The following NCKAP5L variants were observed in gnomAD, a reference collection of about 807,000 sequenced individuals.
The protein encoded by NCKAP5L is nck-associated protein 5-like.
Under a neutral mutation model 103.2 loss-of-function variants are expected in NCKAP5L, and 54 were observed. The observed-to-expected ratio is 0.52, with a 90% CI of 0.42 to 0.66. NCKAP5L has a LOEUF of 0.66. Among genes scored for constraint, NCKAP5L ranks in the 30% least tolerant of loss-of-function variants. NCKAP5L has a pLI of 0.00. For missense variants in NCKAP5L, 1,733 were observed against 1,750.6 expected, an observed-to-expected ratio of 0.99 and a Z score of 0.18; for synonymous variants, 762 against 748.6, an observed-to-expected ratio of 1.02 and a Z score of -0.29.
chr12:49,813,488 T>G (rs75942074), intron 1 of NCKAP5L, among the ~76,000 whole-genome samples: 2,141 of 152,214 alleles, frequency 0.014, 49 homozygotes, highest in African/African-American at 0.049. Flanking sequence ...AAATTGGGGA[T>G]TGTGTCTTTT....
In NCKAP5L at chr12:49,791,802, C is replaced by T. The variant is rs1272116512; in HGVS notation, c.*37G>A. 6.6e-7 allele frequency: 1 copy of T among 1,507,722 alleles called. No individual in the cohort carries two copies. The highest frequency in any genetic ancestry group is 2.1e-5 in the Admixed American group (1 of 48,156). 93.4% of individuals were successfully genotyped at this position (1,507,722 alleles called of 1,614,324 possible). On this transcript the variant is annotated 3_prime_UTR_variant, in exon 13 of 13. Coordinates refer to ENST00000335999, the MANE Select transcript of NCKAP5L (RefSeq NM_001037806.4). ...GAAGAGAGCCGGTCCAGTCTGTGGT[C>T]CCCAGCTCCAGCGGGGCCGTGGCGT...
chr12:49,807,859 T>C (rs892902844), intron 1 of NCKAP5L, among the ~76,000 whole-genome samples: 2 of 152,028 alleles, frequency 1.3e-5, no homozygotes, highest in African/African-American at 2.4e-5. Context: ...GGCTGAGGTA[T>C]GCTGTGGAGG....
intron 1 of NCKAP5L, among the ~76,000 whole-genome samples, chr12:49,824,150 T>C (rs1330185051): frequency 2.0e-5 from 3 of 152,118 alleles, no homozygotes; most frequent in Non-Finnish European, 4.4e-5. Context: ...GCCTGGTGAG[T>C]AGCCTTAGCT....
In NCKAP5L at chr12:49,801,866, C is replaced by T. The variant is rs188112608; in HGVS notation, c.333G>A (p.Thr111=). ...SALFQQKLQL[T]TGSLPQIPLT... Reference sequence around the variant, plus strand: ...TGCCTACCTGAGGGAGCGAGCCTGTCGTGAGCTGGAGTTTCTGCTGAAACA... The same window carrying T: ...TGCCTACCTGAGGGAGCGAGCCTGTTGTGAGCTGGAGTTTCTGCTGAAACA... The change falls in exon 6 of 13, where the codon ACG becomes ACA. Residue 111 remains threonine, a synonymous_variant. Coordinates refer to ENST00000335999, the MANE Select transcript of NCKAP5L (RefSeq NM_001037806.4). 9.7e-5 allele frequency: 156 copies of T among 1,613,948 alleles called. No homozygotes were observed. The African/African-American group carries it at 1.2e-3, about 12-fold the overall frequency.
At chr12:49,813,794 C>T (rs562431756) in intron 1 of NCKAP5L, among the ~76,000 whole-genome samples, 16 of 152,256 alleles carry the variant, frequency 1.1e-4, no homozygotes, top group African/African-American at 3.9e-4. Flanking sequence ...TTCCAAAGTG[C>T]TGGGATTACA....
Position 49,797,406 on chromosome 12 carries a change from G to A in NCKAP5L, c.466-12C>T. On this transcript the variant is annotated splice_polypyrimidine_tract_variant and intron_variant, in intron 7 of 12. Transcript: ENST00000335999. The surrounding 1 kb of genome is among the most constrained non-coding windows in gnomAD (Gnocchi z 4.5). ...TGCTCCCAACATACCTTAGGGGAGAGATGATGGCATGAGGAGGAGACCACA... is the reference window on the plus strand; with the variant it reads ...TGCTCCCAACATACCTTAGGGGAGAAATGATGGCATGAGGAGGAGACCACA... 1 of 1,579,764 alleles carries A rather than the reference G, an allele frequency of 6.3e-7. No individual in the cohort carries two copies. The highest frequency in any genetic ancestry group is 8.6e-7 in the Non-Finnish European group (1 of 1,160,254).
At position 49,791,788 on chromosome 12, in the gene NCKAP5L, G is replaced by A; in HGVS notation, c.*51C>T. Reference sequence around the variant, plus strand: ...CGGGGGCTGGGCATGAAGAGAGCCGGTCCAGTCTGTGGTCCCCAGCTCCAG... The same window carrying A: ...CGGGGGCTGGGCATGAAGAGAGCCGATCCAGTCTGTGGTCCCCAGCTCCAG... On this transcript the variant is annotated 3_prime_UTR_variant, in exon 13 of 13. Coordinates refer to ENST00000335999, the MANE Select transcript of NCKAP5L (RefSeq NM_001037806.4). The A allele has an allele frequency of 4.1e-6, 6 of 1,458,300 alleles. No homozygotes were observed. The highest frequency in any genetic ancestry group is 2.8e-5 in the African/African-American group (2 of 71,016). 90.3% of individuals were successfully genotyped at this position (1,458,300 alleles called of 1,614,324 possible).
chr12:49,806,644 C>T (rs1194133990), intron 1 of NCKAP5L, among the ~76,000 whole-genome samples: 1 of 152,214 alleles, frequency 6.6e-6, no homozygotes, highest in African/African-American at 2.4e-5. Flanking sequence ...CACATGACTA[C>T]TTCACAAAGC....
chr12:49,802,933 TC>T (rs1946136116), intron 5 of NCKAP5L, 24 bp downstream of exon 5: 2 of 1,610,126 alleles, frequency 1.2e-6, no homozygotes. Context: ...CCAGGGCTTC[TC>T]CCCAGGGTGT....
intron 1 of NCKAP5L, among the ~76,000 whole-genome samples, chr12:49,821,588 G>A (rs576630489): frequency 1.4e-4 from 22 of 152,346 alleles, no homozygotes; most frequent in South Asian, 8.3e-4. Context: ...GCCTCGGCAC[G>A]GGCCACCCCC....
intron 1 of NCKAP5L, among the ~76,000 whole-genome samples, chr12:49,818,857 T>G (rs115145414): frequency 0.021 from 3,148 of 152,094 alleles, 124 homozygotes; most frequent in African/African-American, 0.071. Flanking sequence ...GGAGGGAATA[T>G]AAATTAGTAT....
At chr12:49,801,995 A>G in intron 5 of NCKAP5L, 28 bp from the exon 6 acceptor site, 1 of 1,612,014 alleles carries the variant, frequency 6.2e-7, no homozygotes, top group Admixed American at 1.7e-5. Context: ...AAGTGCAGGA[A>G]GAAGAGGTGA....
chr12:49,806,031 G>C lies in NCKAP5L; in HGVS notation c.-88C>G, dbSNP rs542729312. ...GCACACTCACTCTAGCATCCAGAAC[G>C]GTCACCTTGCCTGTGGAGAAAAAAA... On this transcript the variant is annotated 5_prime_UTR_variant, in exon 2 of 13. Coordinates refer to ENST00000335999, the MANE Select transcript of NCKAP5L (RefSeq NM_001037806.4). 6.7e-6 allele frequency: 1 copy of C among 148,888 alleles called. No homozygotes were observed. Among genetic ancestry groups the C allele is most frequent in the African/African-American group, 2.4e-5 (1 of 40,908 alleles). The allele number at this position is 148,888 out of a possible 1,614,324, so 9.2% of individuals were successfully genotyped here.
In NCKAP5L at chr12:49,793,903, G is replaced by T; in HGVS notation, c.3096-7C>A. ...CAGCTCCTTGCCATCCACCCTATGGGCAACAGTGCAGATATAGGTGAGGGT... is the reference window on the plus strand; with the variant it reads ...CAGCTCCTTGCCATCCACCCTATGGTCAACAGTGCAGATATAGGTGAGGGT... On this transcript the variant is annotated splice_polypyrimidine_tract_variant and splice_region_variant and intron_variant, in intron 8 of 12. Coordinates refer to ENST00000335999, the MANE Select transcript of NCKAP5L (RefSeq NM_001037806.4). 6.5e-7 allele frequency: 1 copy of T among 1,529,630 alleles called. No individual in the cohort carries two copies. Among genetic ancestry groups the T allele is most frequent in the Non-Finnish European group, 8.8e-7 (1 of 1,137,950 alleles). The allele number at this position is 1,529,630 out of a possible 1,614,324, so 94.8% of individuals were successfully genotyped here. A position where few individuals can be genotyped will look rare whatever the true frequency, so the allele number is the denominator to read the frequency against.
intron 1 of NCKAP5L, among the ~76,000 whole-genome samples, chr12:49,808,666 G>A (rs922901593): frequency 1.3e-5 from 2 of 152,208 alleles, no homozygotes; most frequent in African/African-American, 4.8e-5. Flanking sequence ...GCCTGCCCAG[G>A]CAGGCTTCGC....
intron 5 of NCKAP5L, 146 bp from the exon 6 acceptor site, chr12:49,802,113 G>A (rs1249350374): frequency 2.2e-6 from 2 of 901,432 alleles, no homozygotes; most frequent in African/African-American, 3.3e-5. Context: ...CTTCTATGAG[G>A]AATCTAAGCC....
In NCKAP5L at chr12:49,791,815, G is replaced by A. The variant is rs1322015489; in HGVS notation, c.*24C>T. The A allele has an allele frequency of 1.1e-5, 17 of 1,543,754 alleles. No homozygotes were observed. Among genetic ancestry groups the A allele is most frequent in the African/African-American group, 2.7e-5 (2 of 73,126 alleles). ...CCAGTCTGTGGTCCCCAGCTCCAGC[G>A]GGGCCGTGGCGTGGCGCAGCCCCTC... On this transcript the variant is annotated 3_prime_UTR_variant, in exon 13 of 13. Coordinates refer to ENST00000335999, the MANE Select transcript of NCKAP5L (RefSeq NM_001037806.4).
chr12:49,797,350 TG>T lies in NCKAP5L; in HGVS notation c.509del (p.Pro170GlnfsTer25). 6.2e-7 allele frequency: 1 copy of T among 1,610,666 alleles called. No homozygotes were observed. Among genetic ancestry groups the T allele is most frequent in the Middle Eastern group, 1.7e-4 (1 of 5,752 alleles). On this transcript the variant is annotated frameshift_variant, in exon 8 of 13. Coordinates refer to ENST00000335999, the MANE Select transcript of NCKAP5L (RefSeq NM_001037806.4). LOFTEE classifies it high-confidence loss of function. The surrounding 1 kb of genome is among the most constrained non-coding windows in gnomAD (Gnocchi z 4.5). ...QQLRPGGPGP[P>X]AAPPPALDAL... The stretch of plus-strand genomic sequence containing the variant: ...CATCCAGCGCTGGGGGTGGGGCGGC[TG>T]GGGGGCCTGGGCCTCCTGGCCTCAG...
intron 3 of NCKAP5L, 37 bp downstream of exon 3, chr12:49,803,881 TCTGG>T: frequency 6.3e-7 from 1 of 1,590,102 alleles, no homozygotes; most frequent in Non-Finnish European, 8.5e-7. Flanking sequence ...TCCCCAGGGC[TCTGG>T]CTGGCACTGC....
Sources: allele counts gnomAD v4.1 joint callset (sites outside exome capture counted in the v4.1 genomes callset), GRCh38; gene constraint gnomAD v4.1.1; non-coding constraint Gnocchi (gnomAD v3.1); transcripts MANE v1.5; gene names NCBI Gene and HGNC (gene_info 2026-07-23, HGNC 2026-07-21).